Variants in RNASEH2B observed in about 807,000 individuals in gnomAD.
RNASEH2B encodes the protein Aicardi-Goutieres syndrome 2 protein.
RNASEH2B carries 36 observed loss-of-function variants against 45.0 expected under a neutral mutation model. The ratio of observed to expected loss-of-function variants is 0.80; its 90% CI spans 0.61 to 1.06. The LOEUF (loss-of-function observed/expected upper bound fraction) is 1.06. RNASEH2B is among the 50% of genes least tolerant of loss of function. RNASEH2B has a pLI of 0.00. For missense variants in RNASEH2B, 361 were observed against 360.3 expected, an observed-to-expected ratio of 1.00 and a Z score of -0.02; for synonymous variants, 119 against 125.7, an observed-to-expected ratio of 0.95 and a Z score of 0.35.
chr13:50,926,541 C>G (rs1195646305), intron 1 of RNASEH2B, among the ~76,000 whole-genome samples: 2 of 152,028 alleles, frequency 1.3e-5, no homozygotes, highest in Non-Finnish European at 2.9e-5. Flanking sequence ...TTTGGTACAA[C>G]TGGTTAACTT....
At chr13:50,969,791 A>T in intron 9 of RNASEH2B, 1 of 739,716 alleles carries the variant, frequency 1.4e-6, no homozygotes, top group Non-Finnish European at 2.3e-6. Context: ...GTCATCTCTT[A>T]GAAGCGAAAA....
At chr13:50,915,332 C>T (rs955342008) in intron 1 of RNASEH2B, 1 of 398,056 alleles carries the variant, frequency 2.5e-6, no homozygotes, top group Non-Finnish European at 4.4e-6. Context: ...TCAGCTTCTC[C>T]GTCTTGACTT....
Position 50,964,615 on chromosome 13 carries a change from C to T in RNASEH2B, c.742-5317C>T, listed in dbSNP as rs111353450. ...ATTCAAGCTTGTGTCTTGCACGGTGCCGAGCACACAGTATGCAATTGGTAA... is the reference window on the plus strand; with the variant it reads ...ATTCAAGCTTGTGTCTTGCACGGTGTCGAGCACACAGTATGCAATTGGTAA... On this transcript the variant is annotated intron_variant, in intron 9 of 9. Transcript: ENST00000422660. Among the ~76,000 whole-genome samples, 1,335 of 152,258 alleles carry T rather than the reference C, an allele frequency of 8.8e-3. 13 individuals are homozygous for T. Among genetic ancestry groups the T allele is most frequent in the Middle Eastern group, 0.024 (7 of 294 alleles).
chr13:50,911,610 A>T (rs1879399640), intron 1 of RNASEH2B: 1 of 152,194 alleles, frequency 6.6e-6, no homozygotes, highest in South Asian at 2.1e-4. Context: ...TATTCCCACA[A>T]GCAGTGTATG....
chr13:50,918,429 G>T lies in RNASEH2B; in HGVS notation c.64+8289G>T, dbSNP rs113055247. 7.2e-4 allele frequency among the ~76,000 whole-genome samples: 109 copies of T among 152,288 alleles called. 1 individual carries two copies. The highest frequency in any genetic ancestry group is 8.8e-5 in the Non-Finnish European group (6 of 68,014). On this transcript the variant is annotated intron_variant, in intron 1 of 10. Transcript: ENST00000336617. ...TGGGATTACAGGCGTGAGCCACTGC[G>T]CCCGGCCTCTAATTTTTATTTTTTT... is the stretch of plus-strand genomic sequence containing the variant.
intron 9 of RNASEH2B, among the ~76,000 whole-genome samples, chr13:50,962,946 C>T (rs1470309877): frequency 6.6e-6 from 1 of 151,966 alleles, no homozygotes; most frequent in Non-Finnish European, 1.5e-5. Flanking sequence ...TCTCCCTATC[C>T]CCTCAGCTTC....
intron 2 of RNASEH2B, among the ~76,000 whole-genome samples, chr13:50,928,745 A>G (rs1951635232): frequency 6.6e-6 from 1 of 152,158 alleles, no homozygotes; most frequent in African/African-American, 2.4e-5. Flanking sequence ...CAGATGTGGA[A>G]ACAGCCACAG....
At chr13:50,946,658 A>T (rs960979228) in intron 7 of RNASEH2B, among the ~76,000 whole-genome samples, 1 of 152,204 alleles carries the variant, frequency 6.6e-6, no homozygotes, top group Non-Finnish European at 1.5e-5. Flanking sequence ...CTCATTTTTT[A>T]AATGGAGAGG....
chr13:50,950,550 G>A (rs1261394994), intron 9 of RNASEH2B: 4 of 152,186 alleles, frequency 2.6e-5, no homozygotes, highest in Non-Finnish European at 5.9e-5. Context: ...AGACCCATGC[G>A]TCTTTCATTC....
intron 7 of RNASEH2B, among the ~76,000 whole-genome samples, chr13:50,945,906 G>C (rs2137992554): frequency 6.6e-6 from 1 of 152,222 alleles, no homozygotes; most frequent in South Asian, 2.1e-4. Context: ...TTGAGGCCCT[G>C]TGCAAAGTCT....
exon 10 of RNASEH2B, chr13:50,970,070 C>A: frequency 9.6e-7 from 1 of 1,037,464 alleles, no homozygotes; most frequent in Non-Finnish European, 1.5e-6. Context: ...CGCCAGGTGC[C>A]AAAAGGTGCA....
Position 50,945,599 on chromosome 13 carries a change from C to T in RNASEH2B, c.616+67C>T, listed in dbSNP as rs994328203. 5.8e-6 allele frequency: 6 copies of T among 1,026,124 alleles called. No homozygotes were observed. The African/African-American group carries it at 9.5e-5, about 16-fold the overall frequency. 63.6% of individuals were successfully genotyped at this position (1,026,124 alleles called of 1,614,324 possible). ...AAGTTGCTTATGTGTAAATGCCTAT[C>T]TTAGGATTTAAAAATCTTAATATCA... is the stretch of plus-strand genomic sequence containing the variant. On this transcript the variant is annotated intron_variant, in intron 7 of 10. Transcript: ENST00000336617.
chr13:50,925,537 G>A (rs2137918599), intron 1 of RNASEH2B, among the ~76,000 whole-genome samples: 1 of 152,188 alleles, frequency 6.6e-6, no homozygotes, highest in South Asian at 2.1e-4. Flanking sequence ...TAGTTTGGTA[G>A]GACCAGTCCA....
chr13:50,964,840 A>G (rs7318931), intron 9 of RNASEH2B, among the ~76,000 whole-genome samples: 17,581 of 152,034 alleles, frequency 0.12, 1,179 homozygotes, highest in African/African-American at 0.18. Flanking sequence ...GTTTGTCTCT[A>G]TGTGCCTTTT....
chr13:50,938,675 C>G (rs985678974), intron 5 of RNASEH2B: 1 of 152,178 alleles, frequency 6.6e-6, no homozygotes, highest in Admixed American at 6.5e-5. Context: ...GTTCGCACTC[C>G]TATGAGAATC....
downstream of RNASEH2B, chr13:50,960,076 C>CAA (rs1952096099): frequency 1.7e-6 from 1 of 588,694 alleles, no homozygotes; most frequent in Non-Finnish European, 2.5e-6. Flanking sequence ...TCAATAGGTT[C>CAA]TAGACATATC....
intron 4 of RNASEH2B, among the ~76,000 whole-genome samples, chr13:50,931,631 A>T (rs1355615279): frequency 6.6e-6 from 1 of 152,240 alleles, no homozygotes; most frequent in African/African-American, 2.4e-5. Flanking sequence ...GTAGGATTAT[A>T]TGAAAAATAT....
chr13:50,925,456 A>G (rs986653542), intron 1 of RNASEH2B, among the ~76,000 whole-genome samples: 4 of 152,168 alleles, frequency 2.6e-5, no homozygotes, highest in African/African-American at 9.7e-5. Context: ...TCTATAAAAT[A>G]CCCTTGAACT....
chr13:50,930,813 G>A, intron 4 of RNASEH2B, 54 bp downstream of exon 4: 1 of 1,289,794 alleles, frequency 7.8e-7, no homozygotes. Context: ...AACTATTTTT[G>A]TTTGATCTCC....
Sources: allele counts gnomAD v4.1 joint callset (sites outside exome capture counted in the v4.1 genomes callset), GRCh38; gene constraint gnomAD v4.1.1; transcripts MANE v1.5; gene names NCBI Gene and HGNC (gene_info 2026-07-23, HGNC 2026-07-21).